Variants in ADCY8 observed in about 807,000 individuals in gnomAD.
ADCY8 encodes the protein adenylate cyclase 8.
Under a neutral mutation model 119.7 loss-of-function variants are expected in ADCY8, and 51 were observed. The ratio of observed to expected loss-of-function variants is 0.43; its 90% CI spans 0.34 to 0.54. The LOEUF (loss-of-function observed/expected upper bound fraction) is 0.54. Ranked by LOEUF, ADCY8 falls within the 20% of genes least tolerant of loss-of-function variation. The pLI is 0.03. For synonymous variants in ADCY8, 665 were observed against 651.0 expected (o/e 1.02, Z -0.33); for missense variants, 1,383 against 1,598.8 (o/e 0.87, Z 2.30).
chr8:130,821,166 A>G (rs780206546), intron 13 of ADCY8, among the ~76,000 whole-genome samples, 176 bp downstream of exon 13: 1 of 152,258 alleles, frequency 6.6e-6, no homozygotes, highest in Non-Finnish European at 1.5e-5. Flanking sequence ...ATTGTTTACC[A>G]GATCTTCTCC....
intron 9 of ADCY8, among the ~76,000 whole-genome samples, chr8:130,862,866 A>T (rs1439921017): frequency 4.6e-5 from 7 of 152,052 alleles, no homozygotes; most frequent in Non-Finnish European, 8.8e-5. Context: ...ACTTTGTGTT[A>T]TTTTTCTTCT....
chr8:130,891,143 C>T (rs1819172336), intron 7 of ADCY8, among the ~76,000 whole-genome samples: 1 of 152,166 alleles, frequency 6.6e-6, no homozygotes, highest in Non-Finnish European at 1.5e-5. Flanking sequence ...TCCATTACCC[C>T]TGTGGCAGCA....
At chr8:130,791,532 G>A (rs948038595) in intron 15 of ADCY8, among the ~76,000 whole-genome samples, 3 of 152,236 alleles carry the variant, frequency 2.0e-5, no homozygotes, top group African/African-American at 7.2e-5. Context: ...TATGCCCAGG[G>A]GCTGTGGCAT....
In ADCY8 at chr8:130,858,900, A is replaced by ATGTGTG. The variant is rs139305903; in HGVS notation, c.2210+8940_2210+8945dup. Among the ~76,000 whole-genome samples, 219 of 148,808 alleles carry ATGTGTG rather than the reference A, an allele frequency of 1.5e-3. 2 individuals carry two copies. The highest frequency in any genetic ancestry group is 5.0e-3 in the African/African-American group (202 of 40,612). On this transcript the variant is annotated intron_variant, in intron 9 of 17. Coordinates refer to ENST00000286355, the MANE Select transcript of ADCY8 (RefSeq NM_001115.3). ...TTGAAATACTCCCATTATCATGTATATGTGTGTGTGTGTGTGTGTGTGTGT... is the reference window on the plus strand; with the variant it reads ...TTGAAATACTCCCATTATCATGTATATGTGTGTGTGTGTGTGTGTGTGTGTGTGTGT...
chr8:130,862,128 G>T (rs1817952592), intron 9 of ADCY8, among the ~76,000 whole-genome samples: 1 of 152,016 alleles, frequency 6.6e-6, no homozygotes, highest in Non-Finnish European at 1.5e-5. Context: ...ATATTGGTCG[G>T]TAGTAACTAG....
At chr8:130,995,893 G>A (rs187956233) in intron 1 of ADCY8, among the ~76,000 whole-genome samples, 90 of 152,208 alleles carry the variant, frequency 5.9e-4, no homozygotes, top group Middle Eastern at 6.8e-3. Flanking sequence ...CAGAGATGAT[G>A]TTTGTTTTAG....
intron 12 of ADCY8, among the ~76,000 whole-genome samples, chr8:130,829,072 G>A (rs1816749929): frequency 6.6e-6 from 1 of 152,182 alleles, no homozygotes; most frequent in Admixed American, 6.5e-5. Flanking sequence ...GAGTTGCATG[G>A]GTGAGCGTGA....
chr8:130,867,888 A>G lies in ADCY8; in HGVS notation c.2168T>C (p.Leu723Pro). 6.2e-7 allele frequency: 1 copy of G among 1,612,398 alleles called. No homozygotes were observed. Among genetic ancestry groups the G allele is most frequent in the Non-Finnish European group, 8.5e-7 (1 of 1,179,116 alleles). The change falls in exon 9 of 18, where the codon CTT (leucine) becomes CCT (proline). Residue 723 changes from leucine (L) to proline (P), a missense_variant. By Grantham distance (98) the Leu-to-Pro change is moderately conservative (BLOSUM62 -3). Coordinates refer to ENST00000286355, the MANE Select transcript of ADCY8 (RefSeq NM_001115.3). ...KSNLVCAFIV[L>P]LFITAIQSLL... The stretch of plus-strand genomic sequence containing the variant: ...ACTTTGTATTGCCGTGATAAATAGA[A>G]GAACGATAAATGCACAGACCAAGTT...
chr8:130,814,274 G>T (rs376443680), intron 13 of ADCY8, 47 bp from the exon 14 acceptor site: 25 of 1,601,500 alleles, frequency 1.6e-5, no homozygotes, highest in South Asian at 2.2e-5. Flanking sequence ...AACTTCTGAG[G>T]TGTAGGCTTC....
At chr8:130,984,257 TG>T (rs1262410628) in intron 2 of ADCY8, among the ~76,000 whole-genome samples, 2 of 152,050 alleles carry the variant, frequency 1.3e-5, no homozygotes, top group Non-Finnish European at 2.9e-5. Context: ...GGGCTCCCTG[TG>T]GGGTAGACTG....
intron 2 of ADCY8, among the ~76,000 whole-genome samples, chr8:130,981,896 G>C (rs1822251245): frequency 6.6e-6 from 1 of 152,304 alleles, no homozygotes; most frequent in African/African-American, 2.4e-5. Flanking sequence ...CAATGGGTCA[G>C]ATGCTTTCTA....
chr8:130,966,656 A>G (rs936857389), intron 2 of ADCY8, among the ~76,000 whole-genome samples: 1 of 152,206 alleles, frequency 6.6e-6, no homozygotes, highest in Admixed American at 6.5e-5. Context: ...TAGAGGAATA[A>G]TGCACATGAT....
chr8:130,936,933 A>C, intron 5 of ADCY8, 140 bp downstream of exon 5: 1 of 1,046,788 alleles, frequency 9.6e-7, no homozygotes, highest in Non-Finnish European at 1.4e-6. Context: ...TGGGAGAACT[A>C]AGGGGCACAC....
chr8:131,038,186 C>G lies in ADCY8; in HGVS notation c.960+1188G>C, dbSNP rs137923879. ...CTAACAGTGCTGGCAATCTAAACAT[C>G]ATGAACAATTTTCAGTGGGGTCGTG... On this transcript the variant is annotated intron_variant, in intron 1 of 17. Transcript: ENST00000286355. Among the ~76,000 whole-genome samples the G allele has an allele frequency of 7.2e-5, 11 of 152,320 alleles. No individual in the cohort carries two copies. The East Asian group carries it at 1.7e-3, about 24-fold the overall frequency.
chr8:130,950,988 G>A (rs1444470681), intron 3 of ADCY8, among the ~76,000 whole-genome samples: 2 of 152,312 alleles, frequency 1.3e-5, no homozygotes, highest in South Asian at 2.1e-4. Flanking sequence ...GCGAGCGACC[G>A]TGCCCGGCCA....
At chr8:131,012,667 G>T (rs1823347042) in intron 1 of ADCY8, among the ~76,000 whole-genome samples, 1 of 152,170 alleles carries the variant, frequency 6.6e-6, no homozygotes, top group Admixed American at 6.5e-5. Flanking sequence ...GCTAAAGAGG[G>T]TCTTCTCATC....
Position 130,836,431 on chromosome 8 carries a change from C to G in ADCY8, c.2521G>C (p.Val841Leu). Residue 841 changes from valine (V) to leucine (L), a missense_variant, in exon 12 of 18, where the codon GTG becomes CTG. Val to Leu is a conservative substitution (Grantham distance 32). This residue lies in a region of ADCY8 where 928 missense variants were observed against 1,163.5 expected (regional missense o/e 0.80). Transcript: ENST00000286355. ...ACTGCACAGGTCACCATGGCCAACA[C>G]CCCCGTGAAGACAAAGTACTGGAAA... ...SYPEYFVFTG[V>L]LAMVTCAVFL... 1 of 1,613,632 alleles carries G rather than the reference C, an allele frequency of 6.2e-7. No individual in the cohort carries two copies.
intron 9 of ADCY8, among the ~76,000 whole-genome samples, chr8:130,851,603 CG>C (rs1563692610): frequency 6.6e-6 from 1 of 151,968 alleles, no homozygotes; most frequent in East Asian, 1.9e-4. Context: ...GAAGAGGAAA[CG>C]TGTTCAGAAG....
chr8:130,945,692 G>A (rs1010276575), intron 3 of ADCY8, among the ~76,000 whole-genome samples: 3 of 152,188 alleles, frequency 2.0e-5, no homozygotes, highest in Admixed American at 6.5e-5. Context: ...GAAGAGAGAG[G>A]TAACAGAGGT....
Sources: allele counts gnomAD v4.1 joint callset (sites outside exome capture counted in the v4.1 genomes callset), GRCh38; gene constraint gnomAD v4.1.1; regional missense constraint gnomAD v4.1.1; transcripts MANE v1.5; gene names NCBI Gene and HGNC (gene_info 2026-07-23, HGNC 2026-07-21).